Variants in LOC400499 observed in about 807,000 individuals in gnomAD.
the LOC400499 span, among the ~76,000 whole-genome samples, chr16:11,449,673 C>T: frequency 1.3e-5 from 2 of 152,238 alleles, no homozygotes; most frequent in Non-Finnish European, 2.9e-5. Flanking sequence ...GCTGAGCCTC[C>T]AACCCAATAC....
the LOC400499 span, among the ~76,000 whole-genome samples, chr16:11,414,002 C>T: frequency 1.4e-3 from 217 of 152,214 alleles, no homozygotes; most frequent in African/African-American, 4.8e-3. Flanking sequence ...GACTGACGAA[C>T]GCCCATAAAC....
chr16:11,447,953 G>A, the LOC400499 span: 63 of 1,535,788 alleles, frequency 4.1e-5, no homozygotes, highest in African/African-American at 4.1e-4. Flanking sequence ...AAGGCCCCCC[G>A]TTTCCGGTAC....
chr16:11,408,051 C>T, the LOC400499 span, among the ~76,000 whole-genome samples: 2 of 134,580 alleles, frequency 1.5e-5, no homozygotes, highest in Admixed American at 8.6e-5. Flanking sequence ...GGCACGATCT[C>T]GGCTCACTGC....
At chr16:11,404,063 C>G in the LOC400499 span, among the ~76,000 whole-genome samples, 2 of 152,192 alleles carry the variant, frequency 1.3e-5, no homozygotes, top group African/African-American at 2.4e-5. Context: ...GCCTGAAGTG[C>G]CTCTGCTCAG....
chr16:11,464,447 T>C, the LOC400499 span, among the ~76,000 whole-genome samples: 1 of 152,212 alleles, frequency 6.6e-6, no homozygotes, highest in African/African-American at 2.4e-5. Context: ...GTTGTAAATG[T>C]GTCACGTCAC....
the LOC400499 span, among the ~76,000 whole-genome samples, chr16:11,501,655 C>T: frequency 0.62 from 94,160 of 151,806 alleles, 29,502 homozygotes; most frequent in Admixed American, 0.71. Context: ...TCTCTTTACC[C>T]GCCTTACTAG....
At chr16:11,509,277 C>T in the LOC400499 span, among the ~76,000 whole-genome samples, 1 of 151,608 alleles carries the variant, frequency 6.6e-6, no homozygotes, top group Admixed American at 6.6e-5. Flanking sequence ...GCCACCACGC[C>T]CGGCTAATTT....
At chr16:11,519,135 T>C in the LOC400499 span, among the ~76,000 whole-genome samples, 5 of 152,120 alleles carry the variant, frequency 3.3e-5, no homozygotes, top group South Asian at 6.2e-4. Context: ...GCCTGGGTGG[T>C]GAAGGCCGAA....
chr16:11,458,827 G>T, the LOC400499 span, among the ~76,000 whole-genome samples: 1 of 152,006 alleles, frequency 6.6e-6, no homozygotes, highest in African/African-American at 2.4e-5. Flanking sequence ...CTGAGGTCAG[G>T]AGTTCAAGAC....
chr16:11,483,720 A>C, the LOC400499 span, among the ~76,000 whole-genome samples: 22 of 151,572 alleles, frequency 1.5e-4, no homozygotes, highest in African/African-American at 4.8e-4. Flanking sequence ...AAAAAAAAAA[A>C]AAAAACTAGA....
chr16:11,479,097 A>T, the LOC400499 span, among the ~76,000 whole-genome samples: 1 of 152,290 alleles, frequency 6.6e-6, no homozygotes, highest in East Asian at 1.9e-4. Flanking sequence ...ACGAACTAAT[A>T]CACAGGGCAA....
chr16:11,446,659 T>C, the LOC400499 span: 1 of 1,535,344 alleles, frequency 6.5e-7, no homozygotes, highest in Non-Finnish European at 8.7e-7. Context: ...ACCACATACA[T>C]GTACACACGC....
chr16:11,415,127 T>A, the LOC400499 span, among the ~76,000 whole-genome samples: 3 of 152,206 alleles, frequency 2.0e-5, no homozygotes, highest in African/African-American at 7.2e-5. Context: ...CTGCGGCCAC[T>A]GACATCCACC....
At chr16:11,405,483 G>C in the LOC400499 span, among the ~76,000 whole-genome samples, 1 of 152,196 alleles carries the variant, frequency 6.6e-6, no homozygotes, top group East Asian at 1.9e-4. Flanking sequence ...GGAACGCAGA[G>C]AAGCAAGCTT....
chr16:11,423,940 A>T, the LOC400499 span, among the ~76,000 whole-genome samples: 1 of 151,916 alleles, frequency 6.6e-6, no homozygotes, highest in Non-Finnish European at 1.5e-5. Flanking sequence ...CCTGGCGGCC[A>T]CCCTCTGCCT....
At chr16:11,381,895 G>T in the LOC400499 span, among the ~76,000 whole-genome samples, 1 of 151,570 alleles carries the variant, frequency 6.6e-6, no homozygotes. Flanking sequence ...TTATTGTATT[G>T]GGGATCATGC....
chr16:11,460,904 G>A, the LOC400499 span: 15 of 1,463,752 alleles, frequency 1.0e-5, no homozygotes, highest in African/African-American at 1.4e-4. Flanking sequence ...CACAGCCCTA[G>A]GAAACAGGGC....
the LOC400499 span, chr16:11,473,099 G>A: frequency 6.9e-6 from 1 of 145,662 alleles, no homozygotes; most frequent in Non-Finnish European, 1.5e-5. Flanking sequence ...CTGGGTGACA[G>A]AGGGACACGC....
At chr16:11,438,395 TC>T in the LOC400499 span, among the ~76,000 whole-genome samples, 1 of 151,936 alleles carries the variant, frequency 6.6e-6, no homozygotes, top group Non-Finnish European at 1.5e-5. Context: ...AATAAGCAGT[TC>T]CCTCCATTCA....
Sources: gnomAD v4.1 joint callset for allele counts (sites outside exome capture counted in the v4.1 genomes callset) on GRCh38, gnomAD v4.1.1 for gene constraint, MANE v1.5 for transcripts.